TBC1D2B: variants seen among roughly 807,000 people sequenced by gnomAD.
The protein encoded by TBC1D2B is TBC1 domain family, member 2B.
A neutral mutation model predicts 100.8 loss-of-function variants in TBC1D2B; 64 were observed. That is an observed-to-expected ratio of 0.64 (90% CI 0.52 to 0.78). TBC1D2B has a LOEUF of 0.78. Among genes scored for constraint, TBC1D2B ranks in the 30% least tolerant of loss-of-function variants. TBC1D2B has a pLI of 0.00. For synonymous variants in TBC1D2B, 480 were observed against 479.7 expected, an observed-to-expected ratio of 1.00 and a Z score of -0.01; for missense variants, 1,052 against 1,218.4, an observed-to-expected ratio of 0.86 and a Z score of 2.03.
At chr15:78,056,905 A>T (rs1333882304) in intron 1 of TBC1D2B, among the ~76,000 whole-genome samples, 1 of 152,048 alleles carries the variant, frequency 6.6e-6, no homozygotes, top group African/African-American at 2.4e-5. Context: ...CCCATGCCAC[A>T]GGTGAGCTAA....
chr15:78,003,219 G>A, intron 11 of TBC1D2B, 86 bp downstream of exon 11: 2 of 1,269,214 alleles, frequency 1.6e-6, no homozygotes, highest in Non-Finnish European at 2.3e-6. Flanking sequence ...ATAAGTTCCA[G>A]GTGAGCCAGC....
intron 2 of TBC1D2B, among the ~76,000 whole-genome samples, chr15:78,047,561 G>T (rs2073224125): frequency 6.6e-6 from 1 of 152,132 alleles, no homozygotes; most frequent in African/African-American, 2.4e-5. Flanking sequence ...ATCCTCAGCA[G>T]TTCCTCCTTC....
rs557905327 is a variant in TBC1D2B, at chr15:78,065,540, C to G, written c.361-11353G>C. 8.1e-4 allele frequency among the ~76,000 whole-genome samples: 124 copies of G among 152,308 alleles called. No individual in the cohort carries two copies. In the Middle Eastern group the frequency reaches 0.01, roughly 13 times the overall value. ...CAGAGAGAAAGGGAGCACGAGGCCTCCAAGTGACCACAGGGCTACATTCCT... is the reference window on the plus strand; with the variant it reads ...CAGAGAGAAAGGGAGCACGAGGCCTGCAAGTGACCACAGGGCTACATTCCT... On this transcript the variant is annotated intron_variant, in intron 1 of 12. Transcript: ENST00000300584.
intron 6 of TBC1D2B, among the ~76,000 whole-genome samples, chr15:78,021,467 C>T (rs914982519): frequency 5.3e-5 from 8 of 152,170 alleles, no homozygotes; most frequent in African/African-American, 1.9e-4. Context: ...TGTCAGTGCG[C>T]TCCCTCTTTC....
At chr15:78,005,058 A>T (rs760087916) in intron 10 of TBC1D2B, among the ~76,000 whole-genome samples, 1 of 152,202 alleles carries the variant, frequency 6.6e-6, no homozygotes, top group Non-Finnish European at 1.5e-5. Flanking sequence ...CCAGCTGCAG[A>T]CGTCCAAGAG....
intron 1 of TBC1D2B, among the ~76,000 whole-genome samples, chr15:78,065,525 G>C (rs760825870): frequency 6.6e-6 from 1 of 152,346 alleles, no homozygotes; most frequent in South Asian, 2.1e-4. Flanking sequence ...CAGAGAGAAA[G>C]GGAGCACGAG....
intron 6 of TBC1D2B, among the ~76,000 whole-genome samples, chr15:78,021,647 C>T (rs574901570): frequency 6.6e-6 from 1 of 152,232 alleles, no homozygotes; most frequent in African/African-American, 2.4e-5. Context: ...CTGGAATCCA[C>T]CTAACAACCA....
intron 1 of TBC1D2B, among the ~76,000 whole-genome samples, chr15:78,067,447 T>C (rs1279974344): frequency 6.6e-6 from 1 of 152,232 alleles, no homozygotes; most frequent in Non-Finnish European, 1.5e-5. Flanking sequence ...GCTGGCCACC[T>C]TCTCTGCAAG....
In TBC1D2B at chr15:77,997,791, G is replaced by A. The variant is rs1171518459; in HGVS notation, c.*369C>T. 1.1e-5 allele frequency: 2 copies of A among 180,580 alleles called. No individual in the cohort carries two copies. Among genetic ancestry groups the A allele is most frequent in the Non-Finnish European group, 2.3e-5 (2 of 86,824 alleles). 11.2% of individuals were successfully genotyped at this position (180,580 alleles called of 1,614,324 possible). Reference sequence around the variant, plus strand: ...CACACACCACTGCCCACTATGTACAGGAGAGAGAATATGGGGAGATGCCCA... The same window carrying A: ...CACACACCACTGCCCACTATGTACAAGAGAGAGAATATGGGGAGATGCCCA... On this transcript the variant is annotated 3_prime_UTR_variant, in exon 13 of 13. Coordinates refer to ENST00000300584, the MANE Select transcript of TBC1D2B (RefSeq NM_144572.2).
chr15:78,030,547 T>A (rs562987836), intron 3 of TBC1D2B, among the ~76,000 whole-genome samples: 1 of 152,194 alleles, frequency 6.6e-6, no homozygotes, highest in South Asian at 2.1e-4. Context: ...GACCTCAAGG[T>A]GATCTGCCCA....
chr15:78,047,076 G>A (rs944925563), intron 2 of TBC1D2B, among the ~76,000 whole-genome samples: 9 of 152,170 alleles, frequency 5.9e-5, no homozygotes, highest in African/African-American at 4.8e-5. Context: ...GAGAGTCAAT[G>A]CATGGCTTAC....
In TBC1D2B at chr15:77,996,940, A is replaced by G. The variant is rs1438923125; in HGVS notation, c.*1220T>C. 6.6e-6 allele frequency: 1 copy of G among 152,240 alleles called. No homozygotes were observed. Among genetic ancestry groups the G allele is most frequent in the Non-Finnish European group, 1.5e-5 (1 of 68,050 alleles). 9.4% of individuals were successfully genotyped at this position (152,240 alleles called of 1,614,324 possible). ...AGCTCCTTGCTCAAAGCCTCTCCCC[A>G]GCCTTCAGAAAGGCAGTCCTCTGAG... On this transcript the variant is annotated 3_prime_UTR_variant, in exon 13 of 13. Coordinates refer to ENST00000300584, the MANE Select transcript of TBC1D2B (RefSeq NM_144572.2).
intron 6 of TBC1D2B, 111 bp downstream of exon 6, chr15:78,024,045 A>C (rs1248113649): frequency 1.9e-5 from 26 of 1,355,168 alleles, no homozygotes; most frequent in Non-Finnish European, 2.4e-5. Context: ...GAAAAAAAAT[A>C]AGTGTGCAGC....
chr15:78,040,691 AAGG>A (rs2073058360), intron 3 of TBC1D2B, among the ~76,000 whole-genome samples: 1 of 129,096 alleles, frequency 7.7e-6, no homozygotes, highest in Admixed American at 8.0e-5. Flanking sequence ...GAAAGAAAGA[AAGG>A]GGGGGAGGGA....
At chr15:78,056,508 G>A (rs1268822986) in intron 1 of TBC1D2B, among the ~76,000 whole-genome samples, 1 of 152,224 alleles carries the variant, frequency 6.6e-6, no homozygotes, top group African/African-American at 2.4e-5. Context: ...ATTGCAGCCT[G>A]GAGTTTGGGA....
chr15:78,005,265 G>T (rs2072036249), intron 10 of TBC1D2B, among the ~76,000 whole-genome samples: 1 of 152,158 alleles, frequency 6.6e-6, no homozygotes, highest in Non-Finnish European at 1.5e-5. Flanking sequence ...TGGAGGACAT[G>T]GAATGACTGT....
chr15:78,046,421 T>C (rs939236396), intron 2 of TBC1D2B, among the ~76,000 whole-genome samples: 10 of 152,250 alleles, frequency 6.6e-5, no homozygotes, highest in African/African-American at 2.4e-4. Context: ...AAAATATCTC[T>C]ATATCAACAA....
chr15:78,034,413 C>T, intron 3 of TBC1D2B: 1 of 845,382 alleles, frequency 1.2e-6, no homozygotes, highest in Non-Finnish European at 1.4e-6. Flanking sequence ...CTCACAGGAG[C>T]CTTCCCTCAG....
At chr15:78,035,929 G>A (rs1349421514) in intron 3 of TBC1D2B, among the ~76,000 whole-genome samples, 1 of 152,150 alleles carries the variant, frequency 6.6e-6, no homozygotes, top group Non-Finnish European at 1.5e-5. Context: ...CATGGCAGGT[G>A]GCCCTACACT....
Sources: allele counts gnomAD v4.1 joint callset (sites outside exome capture counted in the v4.1 genomes callset), GRCh38; gene constraint gnomAD v4.1.1; transcripts MANE v1.5; gene names NCBI Gene and HGNC (gene_info 2026-07-23, HGNC 2026-07-21).